Variants in NOX4 observed in about 807,000 individuals in gnomAD.
The protein encoded by NOX4 is NADPH oxidase 4.
NOX4 carries 69 observed loss-of-function variants against 87.6 expected under a neutral mutation model. That is an observed-to-expected ratio of 0.79 (90% confidence interval 0.65 to 0.96). NOX4 has a LOEUF of 0.96. Among genes scored for constraint, NOX4 ranks in the 40% least tolerant of loss-of-function variants. The pLI is 0.00. For synonymous variants in NOX4, 275 were observed against 238.2 expected, an observed-to-expected ratio of 1.15 and a Z score of -1.42; for missense variants, 680 against 681.5, an observed-to-expected ratio of 1.00 and a Z score of 0.02.
At chr11:89,486,602 A>T (rs1946621563) in intron 2 of NOX4, among the ~76,000 whole-genome samples, 2 of 86,630 alleles carry the variant, frequency 2.3e-5, no homozygotes, top group Non-Finnish European at 2.1e-5. Flanking sequence ...GTATATATAC[A>T]TATATATGTG....
the NOX4 span, among the ~76,000 whole-genome samples, chr11:89,559,044 A>G: frequency 1.3e-5 from 2 of 152,068 alleles, no homozygotes; most frequent in African/African-American, 4.8e-5. Flanking sequence ...TTAACATACT[A>G]TCTCATAATT....
rs564657908 is a variant in NOX4, at chr11:89,432,353, A to T, written c.548+431T>A. On this transcript the variant is annotated intron_variant, in intron 7 of 17. Transcript: ENST00000263317. ...ACCCTAGAACTTAAAGTATAATAAT[A>T]AAAAAATAAATAAAATAAAATAAAA... Among the ~76,000 whole-genome samples the T allele has an allele frequency of 2.0e-4, 30 of 152,124 alleles. No homozygotes were observed. The South Asian group carries it at 3.3e-3, about 17-fold the overall frequency.
At chr11:89,506,237 G>GAAAGAA in the NOX4 span, among the ~76,000 whole-genome samples, 2 of 135,750 alleles carry the variant, frequency 1.5e-5, no homozygotes, top group Admixed American at 1.6e-4. Context: ...AAGAAAGAAA[G>GAAAGAA]AGAGAGAGAG....
the NOX4 span, among the ~76,000 whole-genome samples, chr11:89,537,690 G>GA: frequency 2.0e-5 from 3 of 151,336 alleles, no homozygotes; most frequent in South Asian, 4.2e-4. Flanking sequence ...CTATCGAATT[G>GA]AAAAAAAATC....
chr11:89,565,720 G>T, the NOX4 span, among the ~76,000 whole-genome samples: 1 of 149,546 alleles, frequency 6.7e-6, no homozygotes, highest in African/African-American at 2.5e-5. Context: ...AAAACTTAAA[G>T]TATAATAAAA....
intron 11 of NOX4, among the ~76,000 whole-genome samples, chr11:89,394,876 C>T (rs148171520): frequency 0.019 from 2,926 of 152,220 alleles, 81 homozygotes; most frequent in East Asian, 0.13. Context: ...TGTATATGTG[C>T]CACATATTCT....
intron 1 of NOX4, chr11:89,490,878 A>G: frequency 1.4e-6 from 1 of 701,122 alleles, no homozygotes; most frequent in East Asian, 2.7e-5. Context: ...GTAATCTGGG[A>G]AAAGAACAAA....
At chr11:89,418,116 AAGGG>A (rs1453182986) in intron 8 of NOX4, among the ~76,000 whole-genome samples, 8 of 152,070 alleles carry the variant, frequency 5.3e-5, no homozygotes, top group African/African-American at 1.7e-4. Context: ...AGGTTAAGCC[AAGGG>A]CACAGATAAT....
intron 17 of NOX4, among the ~76,000 whole-genome samples, chr11:89,334,834 T>C (rs1157805311): frequency 6.6e-6 from 1 of 151,628 alleles, no homozygotes; most frequent in Non-Finnish European, 1.5e-5. Context: ...AGGATTAGGT[T>C]AGCAATAAAA....
chr11:89,461,523 T>C (rs961908060), intron 2 of NOX4, among the ~76,000 whole-genome samples: 1 of 151,570 alleles, frequency 6.6e-6, no homozygotes, highest in Non-Finnish European at 1.5e-5. Flanking sequence ...TGGGCACACG[T>C]AGTCCCAGCT....
At position 89,361,654 on chromosome 11, in the gene NOX4, C is replaced by A. The variant is rs73533537; in HGVS notation, c.1136-6611G>T. On this transcript the variant is annotated intron_variant, in intron 12 of 17. Transcript: ENST00000263317. The stretch of plus-strand genomic sequence containing the variant: ...ATTTGCTTAAGGAATGAAAAGAAAT[C>A]TTAATTAAAGTCACTGAAAGGGAGT... Among the ~76,000 whole-genome samples the A allele has an allele frequency of 1.9e-3, 295 of 152,124 alleles. 3 individuals are homozygous for A. The highest frequency in any genetic ancestry group is 6.9e-3 in the African/African-American group (286 of 41,524).
chr11:89,426,941 C>A lies in NOX4; in HGVS notation c.549-4959G>T, dbSNP rs189286553. Among the ~76,000 whole-genome samples, 23 of 152,308 alleles carry A rather than the reference C, an allele frequency of 1.5e-4. No individual in the cohort carries two copies. In the East Asian group the frequency reaches 3.5e-3, roughly 23 times the overall value. On this transcript the variant is annotated intron_variant, in intron 7 of 17. Transcript: ENST00000263317. ...ACTGCCTCCTCAAGTAGGTCCCTGA[C>A]CCCCGAGTAGCCTAACTAGGAGGCA...
rs1174774663 is a variant in NOX4 at position 89,444,177 on chromosome 11, A to C, written c.405T>G (p.Ser135Arg). 2.5e-6 allele frequency: 4 copies of C among 1,613,642 alleles called. No individual in the cohort carries two copies. Among genetic ancestry groups the C allele is most frequent in the Non-Finnish European group, 3.4e-6 (4 of 1,179,722 alleles). Residue 135 changes from serine to arginine, a missense_variant, in exon 5 of 18, where the codon AGT becomes AGG. By Grantham distance (110) the Ser-to-Arg change is moderately radical. Transcript: ENST00000263317. ...VNALNFSVNY[S>R]EDFVELNAAR... ...CTGCATTCAGTTCAACAAAGTCTTCACTGTAATTCACTGAGAAGTTGAGGG... is the reference window on the plus strand; with the variant it reads ...CTGCATTCAGTTCAACAAAGTCTTCCCTGTAATTCACTGAGAAGTTGAGGG...
intron 8 of NOX4, among the ~76,000 whole-genome samples, chr11:89,413,037 C>T (rs1942564318): frequency 6.6e-6 from 1 of 152,060 alleles, no homozygotes; most frequent in Admixed American, 6.6e-5. Flanking sequence ...ATTGACATAT[C>T]TCAAAAGACA....
chr11:89,535,161 T>C, the NOX4 span, among the ~76,000 whole-genome samples: 4 of 152,220 alleles, frequency 2.6e-5, no homozygotes, highest in Non-Finnish European at 5.9e-5. Flanking sequence ...AAAAGAACCA[T>C]TAAATCTCAG....
At chr11:89,478,619 CAT>C (rs1405459615) in intron 2 of NOX4, among the ~76,000 whole-genome samples, 1 of 152,102 alleles carries the variant, frequency 6.6e-6, no homozygotes, top group Non-Finnish European at 1.5e-5. Flanking sequence ...AATTAACTTT[CAT>C]ATACCTAAAA....
the NOX4 span, among the ~76,000 whole-genome samples, chr11:89,588,199 T>A: frequency 6.6e-6 from 1 of 152,228 alleles, no homozygotes; most frequent in African/African-American, 2.4e-5. Flanking sequence ...GTTGCTTGAC[T>A]TTTTTGATTC....
chr11:89,441,197 C>T (rs1944438357), intron 5 of NOX4, among the ~76,000 whole-genome samples: 1 of 152,158 alleles, frequency 6.6e-6, no homozygotes, highest in Non-Finnish European at 1.5e-5. Flanking sequence ...TGAGAGCTTT[C>T]TGTGTTTCAA....
At chr11:89,428,411 T>A (rs576680649) in intron 7 of NOX4, among the ~76,000 whole-genome samples, 1 of 152,222 alleles carries the variant, frequency 6.6e-6, no homozygotes, top group African/African-American at 2.4e-5. Context: ...CCAATTAAAA[T>A]GCACAGACTG....
Sources: allele counts gnomAD v4.1 joint callset (sites outside exome capture counted in the v4.1 genomes callset), GRCh38; gene constraint gnomAD v4.1.1; transcripts MANE v1.5; gene names NCBI Gene and HGNC (gene_info 2026-07-23, HGNC 2026-07-21).